The following ANKH variants were observed in gnomAD, a reference collection of about 807,000 sequenced individuals.
ANKH encodes ANKH inorganic pyrophosphate transport regulator, also known as mineralization regulator ANKH.
A neutral mutation model predicts 49.0 loss-of-function variants in ANKH; 15 were observed. That is an observed-to-expected ratio of 0.31 (90% CI 0.20 to 0.47). ANKH has a LOEUF of 0.47. Ranked by LOEUF, ANKH falls within the 20% of genes least tolerant of loss-of-function variation. ANKH has a pLI of 1.00. For synonymous variants in ANKH, 273 were observed against 260.0 expected (o/e 1.05, Z -0.48); for missense variants, 429 against 652.0 (o/e 0.66, Z 3.72).
At chr5:14,729,110 G>C (rs1270098327) in intron 8 of ANKH, among the ~76,000 whole-genome samples, 3 of 152,112 alleles carry the variant, frequency 2.0e-5, no homozygotes, top group Non-Finnish European at 4.4e-5. Context: ...CTGGAGTGCA[G>C]TGGCATGATC....
Position 14,705,291 on chromosome 5 carries a change from A to G in ANKH, c.*5906T>C, listed in dbSNP as rs1423821590. On this transcript the variant is annotated 3_prime_UTR_variant, in exon 12 of 12. Transcript: ENST00000284268. Reference sequence around the variant, plus strand: ...AGCACACTTAATTTTGTTTAAAAAAAAAAAAATCTAGATCACTGCTAATGT... The same window carrying G: ...AGCACACTTAATTTTGTTTAAAAAAGAAAAAATCTAGATCACTGCTAATGT... The G allele has an allele frequency of 1.3e-5, 2 of 152,250 alleles. No homozygotes were observed. The highest frequency in any genetic ancestry group is 2.4e-5 in the African/African-American group (1 of 41,468). 9.4% of individuals were successfully genotyped at this position (152,250 alleles called of 1,614,324 possible). A position where few individuals can be genotyped will look rare whatever the true frequency, so the allele number is the denominator to read the frequency against.
At chr5:14,769,810 C>T in intron 1 of ANKH, among the ~76,000 whole-genome samples, 1 of 81,604 alleles carries the variant, frequency 1.2e-5, no homozygotes, top group East Asian at 3.2e-4. Context: ...CATTCCTGAG[C>T]TCTACACAGA....
At position 14,725,289 on chromosome 5, in the gene ANKH, A is replaced by C. The variant is rs1242656593; in HGVS notation, c.1012-8454T>G. Among the ~76,000 whole-genome samples the C allele has an allele frequency of 1.3e-5, 2 of 152,176 alleles. No individual in the cohort carries two copies. Among genetic ancestry groups the C allele is most frequent in the East Asian group, 1.9e-4 (1 of 5,188 alleles). On this transcript the variant is annotated intron_variant, in intron 8 of 11. Transcript: ENST00000284268. The surrounding 1 kb of genome is among the most constrained non-coding windows in gnomAD (Gnocchi z 4.0). Reference sequence around the variant, plus strand: ...TCTCCCTCACAGGGATGCTGTGTGGACTGGGCTGCCCAGAGTGCTGGTCTG... The same window carrying C: ...TCTCCCTCACAGGGATGCTGTGTGGCCTGGGCTGCCCAGAGTGCTGGTCTG...
At chr5:14,837,597 T>C (rs1452631340) in intron 1 of ANKH, among the ~76,000 whole-genome samples, 4 of 152,192 alleles carry the variant, frequency 2.6e-5, no homozygotes, top group Non-Finnish European at 5.9e-5. Flanking sequence ...CCAGTTAGAA[T>C]GGCGATCATT....
chr5:14,716,864 T>C, intron 8 of ANKH, 29 bp from the exon 9 acceptor site: 10 of 1,612,440 alleles, frequency 6.2e-6, no homozygotes, highest in Non-Finnish European at 8.5e-6. Context: ...AACAGGGTTG[T>C]GAGGAAAAAG....
chr5:14,854,177 G>A (rs1368984155), intron 1 of ANKH, among the ~76,000 whole-genome samples: 3 of 152,222 alleles, frequency 2.0e-5, no homozygotes, highest in African/African-American at 7.2e-5. Flanking sequence ...GCATTTGCAG[G>A]TAGGAAAAAT....
In ANKH at chr5:14,745,855, C is replaced by G; in HGVS notation, c.915+15G>C. 1 of 1,613,162 alleles carries G rather than the reference C, an allele frequency of 6.2e-7. No homozygotes were observed. Among genetic ancestry groups the G allele is most frequent in the Non-Finnish European group, 8.5e-7 (1 of 1,179,116 alleles). On this transcript the variant is annotated intron_variant, in intron 7 of 11. Transcript: ENST00000284268. The surrounding 1 kb of genome is among the most constrained non-coding windows in gnomAD (Gnocchi z 4.7). ...CAAAAGCATGTTTCAGACACGACAC[C>G]GCACGGGTTCTCACCTTGTCGAAAG... is the stretch of plus-strand genomic sequence containing the variant.
At chr5:14,869,044 G>A (rs13181335) in intron 1 of ANKH, 47,430 of 151,974 alleles carry the variant, frequency 0.31, 7,704 homozygotes, top group South Asian at 0.41. Flanking sequence ...CCCACTCAGC[G>A]GCAGTACCTA....
chr5:14,712,876 G>C lies in ANKH; in HGVS notation c.1363C>G (p.Gln455Glu), dbSNP rs1347292748. 1 of 1,608,036 alleles carries C rather than the reference G, an allele frequency of 6.2e-7. No individual in the cohort carries two copies. The stretch of plus-strand genomic sequence containing the variant: ...GGCTCCCGGCGCGGCTGTCTCACCT[G>C]CTTCCGGTAGACATAGCACGCAGCG... ...AIAACYVYRK[Q>E]KKKMENESAT... The change falls in exon 11 of 12, where the codon CAG becomes GAG. Residue 455 changes from glutamine to glutamate, a missense_variant and splice_region_variant. By Grantham distance (29) the Gln-to-Glu change is conservative. Transcript: ENST00000284268.
At chr5:14,859,929 C>T (rs1438127790) in intron 1 of ANKH, among the ~76,000 whole-genome samples, 1 of 152,236 alleles carries the variant, frequency 6.6e-6, no homozygotes, top group African/African-American at 2.4e-5. Context: ...CAGGTCTCTA[C>T]TATACCTGGA....
intron 1 of ANKH, among the ~76,000 whole-genome samples, chr5:14,823,598 C>T (rs879866864): frequency 6.6e-6 from 1 of 152,182 alleles, no homozygotes; most frequent in Non-Finnish European, 1.5e-5. Context: ...TTCAAGTTCA[C>T]AGCCTCTTAC....
At chr5:14,797,958 T>A (rs944234559) in intron 1 of ANKH, 1 of 1,572,252 alleles carries the variant, frequency 6.4e-7, no homozygotes, top group African/African-American at 1.4e-5. Context: ...GACAAGAATA[T>A]CACTGGAAGG....
intron 1 of ANKH, among the ~76,000 whole-genome samples, chr5:14,836,509 C>T (rs1250838708): frequency 6.6e-6 from 1 of 152,130 alleles, no homozygotes; most frequent in Non-Finnish European, 1.5e-5. Flanking sequence ...GAGTGAACTC[C>T]CATTCACAAT....
chr5:14,840,598 T>C (rs1741788875), intron 1 of ANKH, among the ~76,000 whole-genome samples: 1 of 152,222 alleles, frequency 6.6e-6, no homozygotes, highest in Non-Finnish European at 1.5e-5. Flanking sequence ...CTTAGCTGCC[T>C]GTTTCAAGCA....
At chr5:14,807,656 T>A (rs1740748735) in intron 1 of ANKH, among the ~76,000 whole-genome samples, 1 of 152,144 alleles carries the variant, frequency 6.6e-6, no homozygotes. Flanking sequence ...CTATAGTAAG[T>A]CTATATGTCA....
intron 1 of ANKH, among the ~76,000 whole-genome samples, chr5:14,804,155 C>T (rs1004594472): frequency 6.6e-6 from 1 of 152,174 alleles, no homozygotes; most frequent in Non-Finnish European, 1.5e-5. Flanking sequence ...TTCAGCCTCC[C>T]AAAGTGCTGG....
chr5:14,847,766 T>C (rs1026048689), intron 1 of ANKH, among the ~76,000 whole-genome samples: 3 of 152,240 alleles, frequency 2.0e-5, no homozygotes, highest in Admixed American at 6.5e-5. Flanking sequence ...GGGAAGACCA[T>C]ATGCTTTCAA....
intron 1 of ANKH, among the ~76,000 whole-genome samples, chr5:14,838,563 T>C (rs1344493037): frequency 6.6e-6 from 1 of 152,130 alleles, no homozygotes; most frequent in Non-Finnish European, 1.5e-5. Flanking sequence ...AAAACCCTGC[T>C]GGGGCACACG....
At chr5:14,765,253 A>G (rs1032149728) in intron 2 of ANKH, among the ~76,000 whole-genome samples, 3 of 152,260 alleles carry the variant, frequency 2.0e-5, no homozygotes, top group Non-Finnish European at 2.9e-5. Context: ...CTGTTCAACA[A>G]GGGCCAAGAA....
Sources: allele counts gnomAD v4.1 joint callset (sites outside exome capture counted in the v4.1 genomes callset), GRCh38; gene constraint gnomAD v4.1.1; non-coding constraint Gnocchi (gnomAD v3.1); transcripts MANE v1.5; gene names NCBI Gene and HGNC (gene_info 2026-07-23, HGNC 2026-07-21).